The following CYFIP2 variants were observed in gnomAD, a reference collection of about 807,000 sequenced individuals.
CYFIP2 encodes cytoplasmic FMR1-interacting protein 2.
Under a neutral mutation model 158.7 loss-of-function variants are expected in CYFIP2, and 29 were observed. That is an observed-to-expected ratio of 0.18 (90% CI 0.14 to 0.25). The LOEUF (loss-of-function observed/expected upper bound fraction) is 0.25. CYFIP2 is among the 10% of genes least tolerant of loss of function. The pLI, the probability that CYFIP2 is intolerant of heterozygous loss-of-function variation, is 1.00. For synonymous variants in CYFIP2, 585 were observed against 617.6 expected, an observed-to-expected ratio of 0.95 and a Z score of 0.78; for missense variants, 852 against 1,639.5, an observed-to-expected ratio of 0.52 and a Z score of 8.29.
intron 11 of CYFIP2, among the ~76,000 whole-genome samples, chr5:157,312,748 A>G (rs1374752241): frequency 6.6e-6 from 1 of 152,242 alleles, no homozygotes; most frequent in Non-Finnish European, 1.5e-5. Flanking sequence ...TGGTCATTAG[A>G]CTTGTGGCCC....
intron 3 of CYFIP2, among the ~76,000 whole-genome samples, chr5:157,294,282 A>G (rs1222797782): frequency 1.3e-5 from 2 of 152,214 alleles, no homozygotes; most frequent in African/African-American, 2.4e-5. Flanking sequence ...GTTAGCCTAC[A>G]TCCAGGAATG....
chr5:157,271,095 T>C (rs1274561274), intron 1 of CYFIP2, among the ~76,000 whole-genome samples: 2 of 152,190 alleles, frequency 1.3e-5, no homozygotes, highest in African/African-American at 4.8e-5. Flanking sequence ...GTCAGACCTT[T>C]GTGGAAAAGG....
chr5:157,304,122 G>A, intron 7 of CYFIP2, 116 bp from the exon 8 acceptor site: 2 of 1,339,472 alleles, frequency 1.5e-6, no homozygotes. Context: ...CCCTGGAGCT[G>A]TGATTCCTGG....
chr5:157,334,417 A>G (rs2113200875), intron 21 of CYFIP2, among the ~76,000 whole-genome samples: 1 of 152,340 alleles, frequency 6.6e-6, no homozygotes, highest in Non-Finnish European at 1.5e-5. Flanking sequence ...ACATCTTACC[A>G]CAATAACAAA....
At chr5:157,344,116 C>G (rs1328971682) in intron 23 of CYFIP2, among the ~76,000 whole-genome samples, 1 of 152,112 alleles carries the variant, frequency 6.6e-6, no homozygotes, top group Non-Finnish European at 1.5e-5. Context: ...GATCTCACCC[C>G]AAAGCTTCTG....
chr5:157,299,221 C>T (rs1758520349), intron 5 of CYFIP2, among the ~76,000 whole-genome samples: 1 of 151,864 alleles, frequency 6.6e-6, no homozygotes, highest in Admixed American at 6.6e-5. Flanking sequence ...GTTATCTGGC[C>T]TCAGAACCTC....
At chr5:157,375,456 T>C (rs1387422946) in intron 26 of CYFIP2, among the ~76,000 whole-genome samples, 1 of 152,166 alleles carries the variant, frequency 6.6e-6, no homozygotes, top group Non-Finnish European at 1.5e-5. Context: ...TGGTCTCCAC[T>C]GGAAACCATG....
chr5:157,340,063 A>G (rs903859053), intron 22 of CYFIP2, among the ~76,000 whole-genome samples: 1 of 152,266 alleles, frequency 6.6e-6, no homozygotes, highest in Non-Finnish European at 1.5e-5. Context: ...TTTGCAGAGC[A>G]CACATACGCA....
At position 157,359,265 on chromosome 5, in the gene CYFIP2, C is replaced by T. The variant is rs191273738; in HGVS notation, c.2817+117C>T. 3.1e-5 allele frequency: 35 copies of T among 1,134,554 alleles called. No individual in the cohort carries two copies. In the Admixed American group the frequency reaches 5.9e-4, roughly 19 times the overall value. The allele number at this position is 1,134,554 out of a possible 1,614,324, so 70.3% of individuals were successfully genotyped here. On this transcript the variant is annotated intron_variant, in intron 24 of 30. Coordinates refer to ENST00000620254, the MANE Select transcript of CYFIP2 (RefSeq NM_001037333.3). The stretch of plus-strand genomic sequence containing the variant: ...CAAATCCCAGGCACTGCAGCTCTAC[C>T]TGTAGAAACCACTCAAGGAGTTCCC...
intron 26 of CYFIP2, among the ~76,000 whole-genome samples, chr5:157,381,400 G>A (rs772708976): frequency 6.6e-6 from 1 of 151,746 alleles, no homozygotes; most frequent in Non-Finnish European, 1.5e-5. Flanking sequence ...GATGGCGAGC[G>A]CCTGTAGTCT....
Position 157,361,430 on chromosome 5 carries a change from T to G in CYFIP2, c.2909-38T>G. ...GTTTCCCATAGACCCTACTGAGCAG[T>G]GTCAACTTCCCACTGACCACCCCGA... is the stretch of plus-strand genomic sequence containing the variant. On this transcript the variant is annotated intron_variant, in intron 25 of 30. Coordinates refer to ENST00000620254, the MANE Select transcript of CYFIP2 (RefSeq NM_001037333.3). The surrounding 1 kb of genome is among the most constrained non-coding windows in gnomAD (Gnocchi z 4.4). 6.2e-7 allele frequency: 1 copy of G among 1,612,746 alleles called. No individual in the cohort carries two copies. Among genetic ancestry groups the G allele is most frequent in the Non-Finnish European group, 8.5e-7 (1 of 1,179,560 alleles).
intron 8 of CYFIP2, among the ~76,000 whole-genome samples, chr5:157,307,122 A>G (rs1979007): frequency 0.11 from 17,248 of 152,170 alleles, 1,441 homozygotes; most frequent in East Asian, 0.26. Context: ...ACCTACTCAG[A>G]GGGCAAATTC....
At chr5:157,295,593 A>G (rs772750268) in intron 4 of CYFIP2, among the ~76,000 whole-genome samples, 6 of 152,240 alleles carry the variant, frequency 3.9e-5, no homozygotes, top group Non-Finnish European at 8.8e-5. Flanking sequence ...TGTTTCACTT[A>G]ATAAAAATGG....
At chr5:157,314,142 C>T (rs1010666807) in intron 11 of CYFIP2, among the ~76,000 whole-genome samples, 5 of 152,148 alleles carry the variant, frequency 3.3e-5, no homozygotes, top group African/African-American at 1.2e-4. Flanking sequence ...GTTACTATAT[C>T]GTGTGCACTT....
At chr5:157,302,720 C>T (rs752338720) in intron 6 of CYFIP2, 74 bp from the exon 7 acceptor site, 61 of 1,203,832 alleles carry the variant, frequency 5.1e-5, no homozygotes, top group African/African-American at 6.1e-5. Context: ...GGTGGGCATG[C>T]GAGCCCGTGA....
intron 23 of CYFIP2, among the ~76,000 whole-genome samples, chr5:157,350,030 T>A (rs556050039): frequency 5.9e-5 from 9 of 152,228 alleles, no homozygotes; most frequent in Non-Finnish European, 1.0e-4. Context: ...GTATTAGTCC[T>A]TTGTCAGATG....
chr5:157,300,366 C>G (rs1443391609), intron 5 of CYFIP2, among the ~76,000 whole-genome samples: 1 of 151,852 alleles, frequency 6.6e-6, no homozygotes, highest in African/African-American at 2.4e-5. Flanking sequence ...GAAACCCCGT[C>G]TCTACTAAAA....
At chr5:157,307,636 GGTGTGTGTGTGTGTGTGTGTAT>G (rs1193088939) in intron 8 of CYFIP2, 103 bp from the exon 9 acceptor site, 6 of 428,468 alleles carry the variant, frequency 1.4e-5, no homozygotes, top group Non-Finnish European at 2.5e-5. Flanking sequence ...GTCTCTACAG[GGTGTGTGTGTGTGTGTGTGTAT>G]GTGTGTGTGT....
At chr5:157,312,652 G>C (rs796975948) in intron 11 of CYFIP2, among the ~76,000 whole-genome samples, 10 of 152,270 alleles carry the variant, frequency 6.6e-5, no homozygotes, top group African/African-American at 2.4e-4. Flanking sequence ...CCCAACTCAG[G>C]AGATGCCTTT....
Sources: allele counts gnomAD v4.1 joint callset (sites outside exome capture counted in the v4.1 genomes callset), GRCh38; gene constraint gnomAD v4.1.1; non-coding constraint Gnocchi (gnomAD v3.1); transcripts MANE v1.5; gene names NCBI Gene and HGNC (gene_info 2026-07-23, HGNC 2026-07-21).